SMG6: variants seen among roughly 807,000 people sequenced by gnomAD.
SMG6 encodes the protein telomerase-binding protein EST1A.
Under a neutral mutation model 142.2 loss-of-function variants are expected in SMG6, and 66 were observed. The observed-to-expected ratio is 0.46, with a 90% CI of 0.38 to 0.57. SMG6 has a LOEUF of 0.57. Among genes scored for constraint, SMG6 ranks in the 20% least tolerant of loss-of-function variants. The probability of loss-of-function intolerance (pLI) is 0.00; values close to 1 mark genes in which losing one functional copy is unlikely to be tolerated. For missense variants in SMG6, 1,793 were observed against 1,832.0 expected, an observed-to-expected ratio of 0.98 and a Z score of 0.39; for synonymous variants, 779 against 702.4, an observed-to-expected ratio of 1.11 and a Z score of -1.72.
intron 10 of SMG6, among the ~76,000 whole-genome samples, chr17:2,191,841 T>C (rs1294489191): frequency 6.6e-6 from 1 of 152,206 alleles, no homozygotes; most frequent in Non-Finnish European, 1.5e-5. Flanking sequence ...CAAAGTTGCA[T>C]GAAATCAGGA....
intron 8 of SMG6, among the ~76,000 whole-genome samples, chr17:2,263,786 G>C (rs1470877869): frequency 6.6e-6 from 1 of 152,112 alleles, no homozygotes; most frequent in Non-Finnish European, 1.5e-5. Context: ...CCGCAGACTG[G>C]GGAAGGATCA....
intron 12 of SMG6, among the ~76,000 whole-genome samples, chr17:2,173,403 T>C (rs1290356805): frequency 6.6e-6 from 1 of 152,114 alleles, no homozygotes; most frequent in Non-Finnish European, 1.5e-5. Flanking sequence ...AATCAATCAA[T>C]CAACCAATCA....
intron 13 of SMG6, among the ~76,000 whole-genome samples, chr17:2,137,873 T>C (rs2070355233): frequency 6.6e-6 from 1 of 152,196 alleles, no homozygotes; most frequent in South Asian, 2.1e-4. Flanking sequence ...TTCCTTGTCT[T>C]TACAGCAGGA....
rs774435227 is a variant in SMG6, at chr17:2,172,721, C to G, written c.3294G>C (p.Ser1098=). Residue 1098 remains serine, a synonymous_variant, in exon 13 of 19, where the codon TCG becomes TCC. Coordinates refer to ENST00000263073, the MANE Select transcript of SMG6 (RefSeq NM_017575.5). ...LLILEEDRLL[S]GFVPLLAAPQ... is the part of the protein sequence containing the mutation. ...GGGCAGCCAGCAAGGGGACAAAGCC[C>G]GAGAGAAGCCGATCCTCTTCCAGGA... The G allele has an allele frequency of 1.1e-5, 17 of 1,613,908 alleles. No individual in the cohort carries two copies. Among genetic ancestry groups the G allele is most frequent in the Non-Finnish European group, 1.4e-5 (16 of 1,180,020 alleles).
chr17:2,184,261 G>T (rs373248492), intron 12 of SMG6, among the ~76,000 whole-genome samples: 1 of 152,210 alleles, frequency 6.6e-6, no homozygotes, highest in African/African-American at 2.4e-5. Flanking sequence ...CACTTGGGAG[G>T]CTGAGGTGGG....
intron 8 of SMG6, among the ~76,000 whole-genome samples, chr17:2,264,764 T>C (rs570093536): frequency 1.3e-5 from 2 of 151,958 alleles, no homozygotes; most frequent in African/African-American, 4.8e-5. Flanking sequence ...TAGCTGGGCA[T>C]GGTGGTGTGT....
At chr17:2,301,201 A>G (rs762357256) in intron 1 of SMG6, among the ~76,000 whole-genome samples, 4 of 151,742 alleles carry the variant, frequency 2.6e-5, no homozygotes, top group South Asian at 2.1e-4. Context: ...ATCTCTGGAG[A>G]AAAAAAATGC....
chr17:2,099,480 C>G (rs546095662), intron 13 of SMG6, among the ~76,000 whole-genome samples: 1 of 151,636 alleles, frequency 6.6e-6, no homozygotes, highest in Admixed American at 6.6e-5. Flanking sequence ...GCACTGATGT[C>G]ATGCTTTGAA....
intron 9 of SMG6, among the ~76,000 whole-genome samples, chr17:2,241,678 A>G (rs2073805015): frequency 6.6e-6 from 1 of 152,210 alleles, no homozygotes; most frequent in East Asian, 1.9e-4. Context: ...GGCGTGAGCC[A>G]CCGCACCCGG....
At chr17:2,170,481 C>T (rs748976182) in intron 13 of SMG6, among the ~76,000 whole-genome samples, 25 of 152,344 alleles carry the variant, frequency 1.6e-4, no homozygotes, top group Non-Finnish European at 3.4e-4. Context: ...GTATGGGGAT[C>T]CTCTGGCCCA....
intron 13 of SMG6, among the ~76,000 whole-genome samples, chr17:2,155,512 T>C (rs1236929248): frequency 6.6e-6 from 1 of 152,208 alleles, no homozygotes; most frequent in East Asian, 1.9e-4. Context: ...ATGCCTCTTA[T>C]AATGAGGTTA....
At chr17:2,201,092 C>CA (rs2072507057) in intron 10 of SMG6, among the ~76,000 whole-genome samples, 1 of 152,174 alleles carries the variant, frequency 6.6e-6, no homozygotes, top group East Asian at 1.9e-4. Flanking sequence ...AGGAAAGCTA[C>CA]AGAAAATTAT....
At chr17:2,253,629 A>G (rs2074098981) in intron 8 of SMG6, among the ~76,000 whole-genome samples, 1 of 152,184 alleles carries the variant, frequency 6.6e-6, no homozygotes, top group Non-Finnish European at 1.5e-5. Context: ...CTCCGCCACC[A>G]GAATATTCTG....
At chr17:2,187,754 A>G (rs2072035358) in intron 11 of SMG6, among the ~76,000 whole-genome samples, 1 of 152,074 alleles carries the variant, frequency 6.6e-6, no homozygotes, top group African/African-American at 2.4e-5. Flanking sequence ...AAAAAAAAAA[A>G]AGGCAGCCTC....
intron 8 of SMG6, among the ~76,000 whole-genome samples, chr17:2,251,550 A>C (rs2074046564): frequency 6.6e-6 from 1 of 152,200 alleles, no homozygotes; most frequent in Non-Finnish European, 1.5e-5. Context: ...TTAAGTGTAA[A>C]ATGTGCCTTT....
chr17:2,117,097 ATT>A (rs11371517), intron 13 of SMG6, among the ~76,000 whole-genome samples: 4 of 145,460 alleles, frequency 2.7e-5, no homozygotes, highest in Non-Finnish European at 6.0e-5. Context: ...TGGCTTTTAA[ATT>A]TTTTTTTTTT....
intron 15 of SMG6, among the ~76,000 whole-genome samples, chr17:2,073,696 G>A (rs536293328): frequency 1.4e-4 from 15 of 107,854 alleles, no homozygotes; most frequent in Admixed American, 1.0e-3. Flanking sequence ...GCAACAGAGC[G>A]AGACTCCGTC....
In SMG6 at chr17:2,299,421, C is replaced by T. The variant is rs372521391; in HGVS notation, c.1332G>A (p.Arg444=). The change falls in exon 2 of 19, where the codon CGG becomes CGA. Residue 444 remains arginine, a synonymous_variant. Coordinates refer to ENST00000263073, the MANE Select transcript of SMG6 (RefSeq NM_017575.5). The surrounding 1 kb of genome is among the most constrained non-coding windows in gnomAD (Gnocchi z 4.3). ...LLFGSGSKGS[R]SWGRGGTTRR... is the part of the protein sequence containing the mutation. ...GTGTGGTGCCTCCACGGCCCCAACTCCGAGATCCCTTACTACCAGATCCAA... is the reference window on the plus strand; with the variant it reads ...GTGTGGTGCCTCCACGGCCCCAACTTCGAGATCCCTTACTACCAGATCCAA... 5 of 1,613,838 alleles carry T rather than the reference C, an allele frequency of 3.1e-6. No individual in the cohort carries two copies. In the African/African-American group the frequency reaches 6.7e-5, roughly 22 times the overall value.
chr17:2,083,299 CAGGT>C (rs1255732760), intron 14 of SMG6, among the ~76,000 whole-genome samples: 1 of 152,170 alleles, frequency 6.6e-6, no homozygotes, highest in African/African-American at 2.4e-5. Context: ...AGGGATTACT[CAGGT>C]GGGTGGCTGG....
Sources: gnomAD v4.1 joint callset for allele counts (sites outside exome capture counted in the v4.1 genomes callset) on GRCh38, gnomAD v4.1.1 for gene constraint, Gnocchi (gnomAD v3.1) non-coding constraint, MANE v1.5 for transcripts, NCBI Gene and HGNC (gene_info 2026-07-23, HGNC 2026-07-21) for gene names.